GPATCH2L: variants seen among roughly 807,000 people sequenced by gnomAD.
The protein encoded by GPATCH2L is G patch domain-containing protein 2-like.
Under a neutral mutation model 57.4 loss-of-function variants are expected in GPATCH2L, and 31 were observed. That is an observed-to-expected ratio of 0.54 (90% CI 0.41 to 0.73). The LOEUF is 0.73. Ranked by LOEUF, GPATCH2L falls within the 30% of genes least tolerant of loss-of-function variation. GPATCH2L has a pLI of 0.00. For missense variants in GPATCH2L, 481 were observed against 599.9 expected (o/e 0.80, Z 2.07); for synonymous variants, 199 against 210.7 (o/e 0.94, Z 0.48).
chr14:76,221,043 TAA>T (rs112035944), intron 1 of GPATCH2L, among the ~76,000 whole-genome samples: 1 of 140,562 alleles, frequency 7.1e-6, no homozygotes, highest in Non-Finnish European at 1.6e-5. Context: ...AAGACTGATT[TAA>T]AAAAAAAAAA....
downstream of GPATCH2L, among the ~76,000 whole-genome samples, chr14:76,215,555 G>A (rs2040483582): frequency 5.9e-5 from 9 of 151,706 alleles, no homozygotes; most frequent in South Asian, 1.9e-3. Flanking sequence ...AGAAAATGTG[G>A]CACATATACA....
chr14:76,182,363 GAA>G (rs3059799), intron 8 of GPATCH2L, among the ~76,000 whole-genome samples: 2,203 of 85,618 alleles, frequency 0.026, 26 homozygotes, highest in Non-Finnish European at 0.037. Context: ...TCTCAGAAAA[GAA>G]AAAAAAAAAA....
At chr14:76,215,227 C>A (rs1451645036), downstream of GPATCH2L, among the ~76,000 whole-genome samples, 1 of 152,016 alleles carries the variant, frequency 6.6e-6, no homozygotes, top group Non-Finnish European at 1.5e-5. Context: ...TACCATCTCA[C>A]ACCAGTTAGA....
rs1348177463 is a variant in GPATCH2L, at chr14:76,209,506, C to A, written c.*7655C>A. 6.6e-6 allele frequency: 1 copy of A among 152,204 alleles called. No individual in the cohort carries two copies. Among genetic ancestry groups the A allele is most frequent in the Non-Finnish European group, 1.5e-5 (1 of 68,066 alleles). The allele number at this position is 152,204 out of a possible 1,614,324, so 9.4% of individuals were successfully genotyped here. A position where few individuals can be genotyped will look rare whatever the true frequency, so the allele number is the denominator to read the frequency against. ...GTCACTCCTGTTTACTTATGAGTTG[C>A]TATTTATGAAAAGATGGCCTGGACT... On this transcript the variant is annotated 3_prime_UTR_variant, in exon 10 of 10. Coordinates refer to ENST00000261530, the MANE Select transcript of GPATCH2L (RefSeq NM_017926.4).
chr14:76,230,933 T>C (rs1595015797), intron 2 of GPATCH2L, among the ~76,000 whole-genome samples: 2 of 152,232 alleles, frequency 1.3e-5, no homozygotes, highest in African/African-American at 4.8e-5. Context: ...TTCTGCCTTC[T>C]TTCTGATAAT....
At chr14:76,159,180 A>C (rs535944624) in intron 2 of GPATCH2L, among the ~76,000 whole-genome samples, 10 of 152,272 alleles carry the variant, frequency 6.6e-5, no homozygotes, top group African/African-American at 2.2e-4. Context: ...GGCTTCTGAG[A>C]TCCCTTGTAA....
At chr14:76,227,713 A>G (rs117469219) in intron 1 of GPATCH2L, among the ~76,000 whole-genome samples, 2,422 of 106,586 alleles carry the variant, frequency 0.023, 33 homozygotes, top group Non-Finnish European at 0.037. Flanking sequence ...CATTGGATAA[A>G]GTACTACTTA....
rs2040379036 is a variant in GPATCH2L, at chr14:76,206,674, A to G, written c.*4823A>G. ...GTCCCTAGGCCAACAGCATCAGCAC[A>G]TCTTGCCCTCACCAGACCTACTGAA... On this transcript the variant is annotated 3_prime_UTR_variant, in exon 10 of 10. Coordinates refer to ENST00000261530, the MANE Select transcript of GPATCH2L (RefSeq NM_017926.4). 2 of 152,446 alleles carry G rather than the reference A, an allele frequency of 1.3e-5. 1 individual carries two copies. The highest frequency in any genetic ancestry group is 4.1e-4 in the South Asian group (2 of 4,826). 9.4% of individuals were successfully genotyped at this position (152,446 alleles called of 1,614,324 possible).
chr14:76,235,536 C>T (rs1213614916), intron 2 of GPATCH2L, among the ~76,000 whole-genome samples: 1 of 152,192 alleles, frequency 6.6e-6, no homozygotes, highest in Admixed American at 6.5e-5. Context: ...TCCATTAAAA[C>T]TCTTTTTCTT....
intron 3 of GPATCH2L, 150 bp downstream of exon 3, chr14:76,166,877 A>G: frequency 1.5e-6 from 1 of 657,566 alleles, no homozygotes; most frequent in African/African-American, 1.8e-5. Flanking sequence ...GGAACTGTTA[A>G]AACTGCACAG....
intron 2 of GPATCH2L, among the ~76,000 whole-genome samples, chr14:76,156,216 T>A (rs964404455): frequency 6.6e-6 from 1 of 152,224 alleles, no homozygotes; most frequent in South Asian, 2.1e-4. Flanking sequence ...TTTGAGTTGT[T>A]CTGTCTCAAT....
Position 76,208,724 on chromosome 14 carries a change from A to T in GPATCH2L, c.*6873A>T, listed in dbSNP as rs2040407826. 6.6e-6 allele frequency: 1 copy of T among 152,466 alleles called. No individual in the cohort carries two copies. The highest frequency in any genetic ancestry group is 1.5e-5 in the Non-Finnish European group (1 of 68,228). 9.4% of individuals were successfully genotyped at this position (152,466 alleles called of 1,614,324 possible). On this transcript the variant is annotated 3_prime_UTR_variant, in exon 10 of 10. Transcript: ENST00000261530. ...TACAGCTTTGCATTTAAACATGTTC[A>T]GATACTCCTTCCTTCAAACAAAAGA...
In GPATCH2L at chr14:76,156,918, G is replaced by A. The variant is rs1369504987; in HGVS notation, c.662+1893G>A. Among the ~76,000 whole-genome samples the A allele has an allele frequency of 2.6e-5, 4 of 152,206 alleles. No individual in the cohort carries two copies. In the East Asian group the frequency reaches 5.8e-4, roughly 22 times the overall value. On this transcript the variant is annotated intron_variant, in intron 2 of 9. Transcript: ENST00000261530. ...ATCTATTGCACATTCTAGTCAGGAT[G>A]TAATAATGTAAATTCTCGTTATCTG...
intron 2 of GPATCH2L, among the ~76,000 whole-genome samples, chr14:76,155,902 T>A (rs2038285466): frequency 1.3e-5 from 2 of 152,200 alleles, no homozygotes; most frequent in South Asian, 4.1e-4. Context: ...CCCAAAGGCC[T>A]CCAGGGGTGA....
At chr14:76,223,847 A>T (rs779449767) in intron 1 of GPATCH2L, among the ~76,000 whole-genome samples, 45 of 152,326 alleles carry the variant, frequency 3.0e-4, no homozygotes, top group Non-Finnish European at 4.0e-4. Flanking sequence ...CAACATCATT[A>T]GTCACTGAAG....
rs1485045788 is a variant in GPATCH2L, at chr14:76,203,077, C to T, written c.*1226C>T. On this transcript the variant is annotated 3_prime_UTR_variant, in exon 10 of 10. Transcript: ENST00000261530. ...GTCACATTGTAGAGGGACTCCCACTCATGCATCTGCTTATTTTCTGTCTTA... is the reference window on the plus strand; with the variant it reads ...GTCACATTGTAGAGGGACTCCCACTTATGCATCTGCTTATTTTCTGTCTTA... 1 of 152,210 alleles carries T rather than the reference C, an allele frequency of 6.6e-6. No individual in the cohort carries two copies. The highest frequency in any genetic ancestry group is 2.4e-5 in the African/African-American group (1 of 41,448). 9.4% of individuals were successfully genotyped at this position (152,210 alleles called of 1,614,324 possible). A position where few individuals can be genotyped will look rare whatever the true frequency, so the allele number is the denominator to read the frequency against.
chr14:76,228,361 G>C (rs754933414), intron 1 of GPATCH2L, among the ~76,000 whole-genome samples: 2 of 152,150 alleles, frequency 1.3e-5, no homozygotes, highest in African/African-American at 4.8e-5. Flanking sequence ...GTGCGCGCGC[G>C]TGTGTGTGTA....
chr14:76,174,792 C>G (rs940820431), intron 5 of GPATCH2L: 3 of 152,082 alleles, frequency 2.0e-5, no homozygotes, highest in African/African-American at 7.2e-5. Flanking sequence ...CCCACCATGC[C>G]TGGCTAATTT....
chr14:76,171,756 C>A, intron 3 of GPATCH2L, 87 bp from the exon 4 acceptor site: 24 of 724,118 alleles, frequency 3.3e-5, no homozygotes, highest in Non-Finnish European at 4.9e-5. Flanking sequence ...ATGATCAAAA[C>A]TATGGCACTA....
Sources: allele counts gnomAD v4.1 joint callset (sites outside exome capture counted in the v4.1 genomes callset), GRCh38; gene constraint gnomAD v4.1.1; transcripts MANE v1.5; gene names NCBI Gene and HGNC (gene_info 2026-07-23, HGNC 2026-07-21).